GPHN: variants seen among roughly 807,000 people sequenced by gnomAD.
GPHN encodes gephyrin.
A neutral mutation model predicts 95.5 loss-of-function variants in GPHN; 17 were observed. The ratio of observed to expected loss-of-function variants is 0.18; its 90% CI spans 0.12 to 0.27. The LOEUF (loss-of-function observed/expected upper bound fraction) is 0.27. GPHN is among the 10% of genes least tolerant of loss of function. The pLI is 1.00. For missense variants in GPHN, 660 were observed against 978.1 expected, an observed-to-expected ratio of 0.67 and a Z score of 4.34; for synonymous variants, 320 against 322.5, an observed-to-expected ratio of 0.99 and a Z score of 0.08.
At chr14:66,968,834 A>C (rs2069530144) in intron 9 of GPHN, among the ~76,000 whole-genome samples, 1 of 152,184 alleles carries the variant, frequency 6.6e-6, no homozygotes, top group Non-Finnish European at 1.5e-5. Context: ...AAAAATTAAA[A>C]TAAAGCATAA....
At chr14:66,760,295 G>A (rs1034916967) in intron 2 of GPHN, among the ~76,000 whole-genome samples, 5 of 152,266 alleles carry the variant, frequency 3.3e-5, no homozygotes, top group African/African-American at 9.6e-5. Flanking sequence ...TAAAATTTTA[G>A]TAGTGTATCA....
intron 4 of GPHN, among the ~76,000 whole-genome samples, chr14:66,877,251 C>G (rs998825468): frequency 6.6e-6 from 1 of 152,116 alleles, no homozygotes; most frequent in Non-Finnish European, 1.5e-5. Flanking sequence ...ATAATAAGAG[C>G]TATTTATGAC....
intron 3 of GPHN, among the ~76,000 whole-genome samples, chr14:66,817,958 G>A (rs2061044674): frequency 6.6e-6 from 1 of 152,120 alleles, no homozygotes; most frequent in Non-Finnish European, 1.5e-5. Context: ...CTGACAGGAG[G>A]ATTTACAATG....
the GPHN span, among the ~76,000 whole-genome samples, chr14:67,225,926 A>AGTGAGTGTGTGTGTGTGT: frequency 7.3e-6 from 1 of 136,630 alleles, no homozygotes; most frequent in Non-Finnish European, 1.6e-5. Context: ...TAATGCTGTG[A>AGTGAGTGTGTGTGTGTGT]GTGTGTGTGT....
At position 67,089,115 on chromosome 14, in the gene GPHN, ATTTTTTTTTCTTTTTTTCTTTTTTTT is replaced by A. The variant is rs754241485; in HGVS notation, c.1237+50_1237+75del. The A allele has an allele frequency of 8.9e-4, 322 of 363,272 alleles. 1 individual carries two copies. The highest frequency in any genetic ancestry group is 7.6e-3 in the African/African-American group (274 of 35,852). 22.5% of individuals were successfully genotyped at this position (363,272 alleles called of 1,614,324 possible). The stretch of plus-strand genomic sequence containing the variant: ...TTTCTTAAACATAATCAGGCACTGT[ATTTTTTTTTCTTTTTTTCTTTTTTTT>A]TTTTTTTTTTTTTTTTTCAAATTTT... On this transcript the variant is annotated intron_variant, in intron 12 of 22. Coordinates refer to ENST00000478722, the MANE Select transcript of GPHN (RefSeq NM_020806.5).
chr14:66,735,497 T>A (rs958568060), intron 2 of GPHN, among the ~76,000 whole-genome samples: 1 of 152,148 alleles, frequency 6.6e-6, no homozygotes, highest in Non-Finnish European at 1.5e-5. Context: ...TTATTTAAAA[T>A]TAATATGTTT....
intron 1 of GPHN, among the ~76,000 whole-genome samples, chr14:66,577,581 A>T (rs183200338): frequency 9.2e-5 from 14 of 152,304 alleles, no homozygotes; most frequent in Admixed American, 2.6e-4. Context: ...AGTCTCAGTG[A>T]TATCTGTACA....
the GPHN span, chr14:67,690,324 C>A: frequency 1.9e-6 from 3 of 1,614,104 alleles, no homozygotes; most frequent in East Asian, 6.7e-5. Context: ...GGAAGTGGAT[C>A]CTTCCCAGGT....
chr14:67,141,291 T>A (rs2080442399), intron 17 of GPHN, among the ~76,000 whole-genome samples: 2 of 152,210 alleles, frequency 1.3e-5, no homozygotes, highest in Non-Finnish European at 2.9e-5. Context: ...CCTTGCCATT[T>A]GGACCTTTCA....
At chr14:67,408,850 A>G in the GPHN span, among the ~76,000 whole-genome samples, 2 of 152,158 alleles carry the variant, frequency 1.3e-5, no homozygotes, top group African/African-American at 4.8e-5. Context: ...TACTATAAAC[A>G]TATTCAACAT....
the GPHN span, among the ~76,000 whole-genome samples, chr14:67,306,650 G>A: frequency 6.6e-6 from 1 of 152,168 alleles, no homozygotes; most frequent in Non-Finnish European, 1.5e-5. Flanking sequence ...TTACAGGCAT[G>A]AGCCACCATG....
intron 10 of GPHN, among the ~76,000 whole-genome samples, chr14:67,050,844 G>A (rs548540728): frequency 1.4e-3 from 205 of 151,620 alleles, no homozygotes; most frequent in African/African-American, 4.8e-3. Flanking sequence ...AAAGCAGAGT[G>A]GAGTGACAGC....
chr14:66,698,501 T>G (rs1302953601), intron 2 of GPHN, among the ~76,000 whole-genome samples: 4 of 152,234 alleles, frequency 2.6e-5, no homozygotes, highest in African/African-American at 9.6e-5. Flanking sequence ...TCAGGATTTA[T>G]TCTGAATCAG....
At chr14:66,887,247 G>A (rs2064243504) in intron 5 of GPHN, among the ~76,000 whole-genome samples, 1 of 152,118 alleles carries the variant, frequency 6.6e-6, no homozygotes, top group Non-Finnish European at 1.5e-5. Flanking sequence ...TGTAACAGGG[G>A]AGGAAAAATT....
Position 66,922,904 on chromosome 14 carries a change from C to T in GPHN, c.695C>T (p.Ser232Leu). 1 of 1,613,312 alleles carries T rather than the reference C, an allele frequency of 6.2e-7. No homozygotes were observed. Among genetic ancestry groups the T allele is most frequent in the Non-Finnish European group, 8.5e-7 (1 of 1,179,788 alleles). ...SGVASTEDSS[S>L]SHITAAAIAA... ...GTTGCTTCAACAGAAGATAGTTCCTCATCACATATAACTGCAGCAGCCATT... is the reference window on the plus strand; with the variant it reads ...GTTGCTTCAACAGAAGATAGTTCCTTATCACATATAACTGCAGCAGCCATT... The change falls in exon 7 of 23, where the codon TCA becomes TTA. Residue 232 changes from serine to leucine, a missense_variant. By Grantham distance (145) the Ser-to-Leu change is moderately radical. Around this residue, in one of 6 missense-constraint regions of GPHN, gnomAD observed 190 missense variants for 224.7 expected, o/e 0.85. Transcript: ENST00000478722.
chr14:67,554,708 G>C, the GPHN span, among the ~76,000 whole-genome samples: 1 of 152,202 alleles, frequency 6.6e-6, no homozygotes, highest in Admixed American at 6.5e-5. Flanking sequence ...CAAGCCATGA[G>C]CTTGAGAAGC....
the GPHN span, chr14:67,570,286 G>C: frequency 2.1e-6 from 2 of 970,808 alleles, no homozygotes. Context: ...TCTCATGTCT[G>C]CCTCACTCCT....
Position 66,545,414 on chromosome 14 carries a change from C to T in GPHN, c.64+36823C>T, listed in dbSNP as rs1166033891. 5.9e-5 allele frequency among the ~76,000 whole-genome samples: 7 copies of T among 118,086 alleles called. 1 individual carries two copies. Among genetic ancestry groups the T allele is most frequent in the East Asian group, 6.0e-4 (2 of 3,328 alleles). The allele number at this position is 118,086 out of a possible 152,430, so 77.5% of individuals were successfully genotyped here. ...CCCCCCACCTCCCTCCCGGATGGGG[C>T]GGCTGGCCGGGCAGAGGGGCTCCTC... On this transcript the variant is annotated intron_variant, in intron 1 of 22. Coordinates refer to ENST00000478722, the MANE Select transcript of GPHN (RefSeq NM_020806.5).
chr14:67,034,175 G>T (rs772835192), intron 10 of GPHN, among the ~76,000 whole-genome samples: 5 of 152,034 alleles, frequency 3.3e-5, no homozygotes, highest in African/African-American at 7.2e-5. Context: ...TACAAATTCA[G>T]AATACTATAT....
Sources: gnomAD v4.1 joint callset for allele counts (sites outside exome capture counted in the v4.1 genomes callset) on GRCh38, gnomAD v4.1.1 for gene constraint, gnomAD v4.1.1 regional missense constraint, MANE v1.5 for transcripts, NCBI Gene and HGNC (gene_info 2026-07-23, HGNC 2026-07-21) for gene names.